Variants in SLC17A3 observed in about 807,000 individuals in gnomAD.
The protein encoded by SLC17A3 is solute carrier family 17 member 3.
SLC17A3 carries 61 observed loss-of-function variants against 60.3 expected under a neutral mutation model. The observed-to-expected ratio is 1.01, with a 90% CI of 0.82 to 1.25. The LOEUF (loss-of-function observed/expected upper bound fraction) is 1.25. Among genes scored for constraint, SLC17A3 ranks in the 50% most tolerant of loss-of-function variants. The probability of loss-of-function intolerance (pLI) is 0.00; values close to 1 mark genes in which losing one functional copy is unlikely to be tolerated. For missense variants in SLC17A3, 624 were observed against 594.9 expected, an observed-to-expected ratio of 1.05 and a Z score of -0.51; for synonymous variants, 192 against 208.9, an observed-to-expected ratio of 0.92 and a Z score of 0.70.
intron 1 of SLC17A3, 105 bp from the exon 2 acceptor site, chr6:25,868,525 T>A (rs1031558763): frequency 4.1e-6 from 3 of 738,094 alleles, no homozygotes. Context: ...GCCCATTCCA[T>A]CTGGTTGGAG....
At chr6:25,865,074 A>G (rs7765800) in intron 2 of SLC17A3, among the ~76,000 whole-genome samples, 4,290 of 152,074 alleles carry the variant, frequency 0.028, 184 homozygotes, top group African/African-American at 0.092. Flanking sequence ...AAATCCTCAC[A>G]ATAACGCTAT....
chr6:25,858,194 A>G (rs532516041), intron 5 of SLC17A3, among the ~76,000 whole-genome samples: 38 of 142,994 alleles, frequency 2.7e-4, no homozygotes, highest in Non-Finnish European at 5.9e-4. Context: ...AAACAAAACA[A>G]AACAAAACAC....
chr6:25,873,146 G>A (rs894894296), intron 1 of SLC17A3, among the ~76,000 whole-genome samples: 2 of 152,074 alleles, frequency 1.3e-5, no homozygotes, highest in African/African-American at 4.8e-5. Flanking sequence ...CCACAGGTGA[G>A]CCAAGAACAG....
chr6:25,866,551 A>G (rs990373692), intron 2 of SLC17A3, among the ~76,000 whole-genome samples: 9 of 152,100 alleles, frequency 5.9e-5, no homozygotes, highest in Non-Finnish European at 7.4e-5. Context: ...GTTTCAGACT[A>G]CTATGTTTAT....
At chr6:25,871,202 T>C (rs1321927009) in intron 1 of SLC17A3, among the ~76,000 whole-genome samples, 1 of 152,044 alleles carries the variant, frequency 6.6e-6, no homozygotes, top group Non-Finnish European at 1.5e-5. Context: ...ATGTTTATTG[T>C]GGCACTATTC....
At chr6:25,872,896 G>GA (rs1765668460) in intron 1 of SLC17A3, among the ~76,000 whole-genome samples, 5 of 152,070 alleles carry the variant, frequency 3.3e-5, no homozygotes, top group African/African-American at 7.2e-5. Flanking sequence ...TCACATGACA[G>GA]TCTACCACCT....
chr6:25,862,379 T>C lies in SLC17A3; in HGVS notation c.157A>G (p.Ile53Val), dbSNP rs757424881. 2 of 1,613,636 alleles carry C rather than the reference T, an allele frequency of 1.2e-6. No individual in the cohort carries two copies. Among genetic ancestry groups the C allele is most frequent in the East Asian group, 4.5e-5 (2 of 44,886 alleles). Residue 53 changes from isoleucine to valine, a missense_variant, in exon 3 of 13, where the codon ATA becomes GTA. Coordinates refer to ENST00000397060, the MANE Select transcript of SLC17A3 (RefSeq NM_001098486.2). The part of the protein sequence containing the change: ...LVLHFCNFTT[I>V]AQNVIMNITM... ...ATGTTCATGATGACATTTTGTGCTA[T>C]CGTTGTGAAATTGCAGAAATGTAAG...
intron 5 of SLC17A3, among the ~76,000 whole-genome samples, chr6:25,859,855 C>A (rs912838100): frequency 1.3e-5 from 2 of 152,106 alleles, no homozygotes; most frequent in South Asian, 2.1e-4. Context: ...GGATAACATA[C>A]CCCATTTCCA....
At chr6:25,846,335 A>C (rs186125968) in intron 11 of SLC17A3, among the ~76,000 whole-genome samples, 20 of 152,364 alleles carry the variant, frequency 1.3e-4, no homozygotes, top group Non-Finnish European at 2.5e-4. Flanking sequence ...TCAAATGTCC[A>C]TAAAAGTACA....
chr6:25,848,969 T>A (rs2151518743), intron 11 of SLC17A3, among the ~76,000 whole-genome samples: 1 of 152,342 alleles, frequency 6.6e-6, no homozygotes, highest in East Asian at 1.9e-4. Flanking sequence ...AGAACGTGTA[T>A]GTCTTCTTTT....
chr6:25,861,595 G>T (rs1400923062), intron 5 of SLC17A3, 29 bp downstream of exon 5: 1 of 1,572,280 alleles, frequency 6.4e-7, no homozygotes, highest in East Asian at 2.2e-5. Flanking sequence ...TTGGATTGTA[G>T]TGTACCCATT....
chr6:25,861,009 T>C (rs1380187591), intron 5 of SLC17A3, among the ~76,000 whole-genome samples: 2 of 152,302 alleles, frequency 1.3e-5, no homozygotes, highest in Middle Eastern at 3.4e-3. Context: ...TACTCATAAA[T>C]TACCTGGAGA....
At chr6:25,860,668 T>C (rs1423522611) in intron 5 of SLC17A3, among the ~76,000 whole-genome samples, 1 of 152,178 alleles carries the variant, frequency 6.6e-6, no homozygotes, top group Non-Finnish European at 1.5e-5. Flanking sequence ...CTGCACCCTT[T>C]GTAGGCTACT....
rs573454158 is a variant in SLC17A3 at position 25,857,344 on chromosome 6, T to C, written c.626-2114A>G. Among the ~76,000 whole-genome samples, 9 of 152,282 alleles carry C rather than the reference T, an allele frequency of 5.9e-5. No individual in the cohort carries two copies. In the South Asian group the frequency reaches 6.2e-4, roughly 11 times the overall value. ...TTTTTATCTTTGTTTCTTTTGCTTGTTTAATTTTGCCTTAATTTACAGAAT... is the reference window on the plus strand; with the variant it reads ...TTTTTATCTTTGTTTCTTTTGCTTGCTTAATTTTGCCTTAATTTACAGAAT... On this transcript the variant is annotated intron_variant, in intron 5 of 12. Coordinates refer to ENST00000397060, the MANE Select transcript of SLC17A3 (RefSeq NM_001098486.2).
intron 3 of SLC17A3, 58 bp downstream of exon 3, chr6:25,862,175 T>A: frequency 1.3e-6 from 2 of 1,500,026 alleles, no homozygotes; most frequent in Non-Finnish European, 9.2e-7. Context: ...GAAAAATAAA[T>A]ATCCAAGCAA....
chr6:25,869,749 T>G (rs994232502), intron 1 of SLC17A3, among the ~76,000 whole-genome samples: 5 of 151,978 alleles, frequency 3.3e-5, no homozygotes, highest in Non-Finnish European at 5.9e-5. Flanking sequence ...ACTGCCCCCA[T>G]GATTCAATTA....
chr6:25,853,046 A>G (rs1219487367), intron 6 of SLC17A3, among the ~76,000 whole-genome samples: 2 of 152,158 alleles, frequency 1.3e-5, no homozygotes, highest in African/African-American at 4.8e-5. Flanking sequence ...CTGTAAGACT[A>G]ATAATTTCTC....
At position 25,862,429 on chromosome 6, in the gene SLC17A3, G is replaced by A. The variant is rs1016695070; in HGVS notation, c.107C>T (p.Ser36Phe). ...GACGAGGGCTATTCCATAGCGAGCA[G>A]AACATAAACTTGGAACTGGAAATAT... ...LIPRKVPSLCSARYGIALVLH... is the reference protein window; with the variant it reads ...LIPRKVPSLCFARYGIALVLH... The change falls in exon 3 of 13, where the codon TCT becomes TTT. Residue 36 changes from serine to phenylalanine, a missense_variant. By Grantham distance (155) the Ser-to-Phe change is radical (BLOSUM62 -2). Transcript: ENST00000397060. 6 of 1,613,102 alleles carry A rather than the reference G, an allele frequency of 3.7e-6. No homozygotes were observed. Among genetic ancestry groups the A allele is most frequent in the African/African-American group, 1.3e-5 (1 of 74,862 alleles).
At chr6:25,857,280 TTA>T (rs1491121634) in intron 5 of SLC17A3, among the ~76,000 whole-genome samples, 3 of 151,474 alleles carry the variant, frequency 2.0e-5, no homozygotes, top group African/African-American at 7.4e-5. Flanking sequence ...TCTTTAACTA[TTA>T]TTTTTTATTT....
Sources: allele counts gnomAD v4.1 joint callset (sites outside exome capture counted in the v4.1 genomes callset), GRCh38; gene constraint gnomAD v4.1.1; transcripts MANE v1.5; gene names NCBI Gene and HGNC (gene_info 2026-07-23, HGNC 2026-07-21).